Variants in SCFD2 observed in about 807,000 individuals in gnomAD.
SCFD2 encodes the protein sec1 family domain-containing protein 2.
Under a neutral mutation model 58.9 loss-of-function variants are expected in SCFD2, and 54 were observed. The ratio of observed to expected loss-of-function variants is 0.92; its 90% CI spans 0.74 to 1.15. SCFD2 has a LOEUF of 1.15. Ranked by LOEUF, SCFD2 falls within the 50% of genes most tolerant of loss-of-function variation. SCFD2 has a pLI of 0.00. For synonymous variants in SCFD2, 321 were observed against 335.9 expected (o/e 0.96, Z 0.49); for missense variants, 805 against 836.6 (o/e 0.96, Z 0.47).
At chr4:52,966,991 G>A (rs555987251) in intron 5 of SCFD2, among the ~76,000 whole-genome samples, 3 of 152,158 alleles carry the variant, frequency 2.0e-5, no homozygotes, top group African/African-American at 7.2e-5. Context: ...CCATTAAACT[G>A]TAACCACACT....
In SCFD2 at chr4:52,960,728, A is replaced by C. The variant is rs75350223; in HGVS notation, c.1562-39858T>G. Among the ~76,000 whole-genome samples, 14 of 131,286 alleles carry C rather than the reference A, an allele frequency of 1.1e-4. 1 individual carries two copies. The highest frequency in any genetic ancestry group is 7.3e-4 in the South Asian group (3 of 4,094). 86.1% of individuals were successfully genotyped at this position (131,286 alleles called of 152,430 possible). Reference sequence around the variant, plus strand: ...TTCTCTGACACACACACACACACACAACACACACACACACACCACACATGT... The same window carrying C: ...TTCTCTGACACACACACACACACACCACACACACACACACACCACACATGT... On this transcript the variant is annotated intron_variant, in intron 5 of 8. Transcript: ENST00000401642.
intron 5 of SCFD2, among the ~76,000 whole-genome samples, chr4:53,115,004 G>A (rs1725280704): frequency 6.6e-6 from 1 of 151,958 alleles, no homozygotes; most frequent in Admixed American, 6.6e-5. Context: ...CAAACACGAT[G>A]TTTTTAAAAT....
chr4:52,939,558 C>T (rs552615696), intron 5 of SCFD2, among the ~76,000 whole-genome samples: 2 of 152,234 alleles, frequency 1.3e-5, no homozygotes, highest in East Asian at 1.9e-4. Context: ...ATGTGTCAGG[C>T]ATTGTGCTAC....
At chr4:52,891,381 C>T (rs1718873587) in intron 7 of SCFD2, among the ~76,000 whole-genome samples, 1 of 152,088 alleles carries the variant, frequency 6.6e-6, no homozygotes, top group Non-Finnish European at 1.5e-5. Flanking sequence ...GTGGTGAGTG[C>T]TATGGAGGAA....
chr4:52,909,519 G>A (rs1719432753), intron 6 of SCFD2, among the ~76,000 whole-genome samples: 2 of 152,226 alleles, frequency 1.3e-5, no homozygotes, highest in South Asian at 2.1e-4. Context: ...AATAAGCTCC[G>A]GTGTGAAACA....
At chr4:53,307,491 T>C (rs972628105) in intron 3 of SCFD2, among the ~76,000 whole-genome samples, 1 of 152,170 alleles carries the variant, frequency 6.6e-6, no homozygotes, top group African/African-American at 2.4e-5. Context: ...CCTTGCTTAC[T>C]TGCTATGTAA....
intron 3 of SCFD2, among the ~76,000 whole-genome samples, chr4:53,277,810 T>C (rs1731372985): frequency 6.6e-6 from 1 of 152,132 alleles, no homozygotes; most frequent in South Asian, 2.1e-4. Flanking sequence ...CGCAGCTCTT[T>C]GGGAGGCCGA....
chr4:53,265,809 G>A (rs9995661), intron 4 of SCFD2, among the ~76,000 whole-genome samples: 14,568 of 151,872 alleles, frequency 0.096, 1,044 homozygotes, highest in African/African-American at 0.19. Context: ...ACGCAATTAC[G>A]GCTCACTGCA....
chr4:53,091,478 T>C (rs1724467292), intron 5 of SCFD2, among the ~76,000 whole-genome samples: 1 of 152,132 alleles, frequency 6.6e-6, no homozygotes, highest in Non-Finnish European at 1.5e-5. Context: ...TTTGAGTATA[T>C]ATTGTCTCTG....
At chr4:53,166,832 C>CAA (rs34996788) in intron 4 of SCFD2, among the ~76,000 whole-genome samples, 48 of 118,810 alleles carry the variant, frequency 4.0e-4, no homozygotes, top group East Asian at 9.8e-4. Context: ...AAATGCCCAC[C>CAA]AAAAAAAAAA....
At chr4:53,336,224 A>G (rs1733678719) in intron 2 of SCFD2, among the ~76,000 whole-genome samples, 1 of 152,196 alleles carries the variant, frequency 6.6e-6, no homozygotes, top group South Asian at 2.1e-4. Flanking sequence ...AACAATTACC[A>G]AAACTGAGCT....
rs370896883 is a variant in SCFD2 at position 53,267,532 on chromosome 4, G to A, written c.1311+6294C>T. On this transcript the variant is annotated intron_variant, in intron 4 of 8. Coordinates refer to ENST00000401642, the MANE Select transcript of SCFD2 (RefSeq NM_152540.4). Reference sequence around the variant, plus strand: ...TGATATGCAATTATGATAAAAGTAGGATTTTAGTATTTTAAATGTTTACTT... The same window carrying A: ...TGATATGCAATTATGATAAAAGTAGAATTTTAGTATTTTAAATGTTTACTT... Among the ~76,000 whole-genome samples the A allele has an allele frequency of 8.5e-5, 13 of 152,252 alleles. 1 individual carries two copies. Among genetic ancestry groups the A allele is most frequent in the South Asian group, 4.1e-4 (2 of 4,820 alleles).
chr4:53,037,017 G>A lies in SCFD2; in HGVS notation c.1561+108316C>T, dbSNP rs138478413. On this transcript the variant is annotated intron_variant, in intron 5 of 8. Coordinates refer to ENST00000401642, the MANE Select transcript of SCFD2 (RefSeq NM_152540.4). Reference sequence around the variant, plus strand: ...TGGGGTGATGGGCAGTTCTGTATCCGAATTGTGGCGGTTACATGACTGCAT... The same window carrying A: ...TGGGGTGATGGGCAGTTCTGTATCCAAATTGTGGCGGTTACATGACTGCAT... Among the ~76,000 whole-genome samples the A allele has an allele frequency of 7.4e-3, 1,129 of 152,218 alleles. 7 individuals carry two copies. The highest frequency in any genetic ancestry group is 0.025 in the African/African-American group (1,056 of 41,536).
chr4:52,940,426 T>C (rs1020223786), intron 5 of SCFD2, among the ~76,000 whole-genome samples: 1 of 152,160 alleles, frequency 6.6e-6, no homozygotes, highest in African/African-American at 2.4e-5. Flanking sequence ...GGTCACAATG[T>C]AGGACCATGT....
At chr4:53,341,103 G>A (rs186402062) in intron 2 of SCFD2, among the ~76,000 whole-genome samples, 1 of 152,302 alleles carries the variant, frequency 6.6e-6, no homozygotes, top group Non-Finnish European at 1.5e-5. Flanking sequence ...AACAAAGCTG[G>A]ACAGACAATG....
At chr4:53,206,554 C>T (rs1728412310) in intron 4 of SCFD2, among the ~76,000 whole-genome samples, 1 of 152,202 alleles carries the variant, frequency 6.6e-6, no homozygotes, top group Admixed American at 6.5e-5. Context: ...CTTCAAACTA[C>T]TCAAGTTTTT....
chr4:53,313,459 G>A (rs1169332139), intron 3 of SCFD2, among the ~76,000 whole-genome samples, 177 bp downstream of exon 3: 1 of 152,210 alleles, frequency 6.6e-6, no homozygotes, highest in African/African-American at 2.4e-5. Context: ...TCTAAGAAAA[G>A]TGGTCATTGC....
intron 4 of SCFD2, among the ~76,000 whole-genome samples, chr4:53,147,520 C>A (rs561681174): frequency 1.1e-4 from 16 of 152,184 alleles, no homozygotes; most frequent in African/African-American, 3.6e-4. Flanking sequence ...TTGGAATGGA[C>A]GAGGTAAAAA....
chr4:52,926,316 A>G (rs301134), intron 5 of SCFD2, among the ~76,000 whole-genome samples: 46,445 of 151,692 alleles, frequency 0.31, 8,839 homozygotes, highest in East Asian at 0.52. Context: ...ATCTTTCATC[A>G]GAAGGGTGCT....
Sources: gnomAD v4.1 joint callset for allele counts (sites outside exome capture counted in the v4.1 genomes callset) on GRCh38, gnomAD v4.1.1 for gene constraint, MANE v1.5 for transcripts, NCBI Gene and HGNC (gene_info 2026-07-23, HGNC 2026-07-21) for gene names.